The following BRD7 variants were observed in gnomAD, a reference collection of about 807,000 sequenced individuals.
BRD7 encodes bromodomain-containing protein 7.
In BRD7, 15 loss-of-function variants were observed where a neutral mutation model predicts 82.1. The observed-to-expected ratio is 0.18, with a 90% CI of 0.12 to 0.28. BRD7 has a LOEUF of 0.28. Among genes scored for constraint, BRD7 ranks in the 10% least tolerant of loss-of-function variants. The probability of loss-of-function intolerance (pLI) is 1.00; values close to 1 mark genes in which losing one functional copy is unlikely to be tolerated. For missense variants in BRD7, 638 were observed against 779.9 expected (o/e 0.82, Z 2.17); for synonymous variants, 232 against 266.9 (o/e 0.87, Z 1.27).
At chr16:50,366,247 T>G (rs771935663) in intron 2 of BRD7, among the ~76,000 whole-genome samples, 3 of 151,906 alleles carry the variant, frequency 2.0e-5, no homozygotes, top group Non-Finnish European at 2.9e-5. Context: ...GAGTTAAGAG[T>G]CCACCAGAAC....
At chr16:50,368,348 G>C in intron 1 of BRD7, 50 bp from the exon 2 acceptor site, 1 of 1,580,736 alleles carries the variant, frequency 6.3e-7, no homozygotes, top group Non-Finnish European at 8.6e-7. Context: ...TAAAATCGGG[G>C]CTCTCCAGGG....
chr16:50,319,021 A>G lies in BRD7; in HGVS notation c.*190T>C, dbSNP rs780379768. The stretch of plus-strand genomic sequence containing the variant: ...CAGGTATGGCAACAGCCCCAAGCAC[A>G]TTCCTTCCTCACGAGTCCCAGGTCC... On this transcript the variant is annotated 3_prime_UTR_variant, in exon 17 of 17. Coordinates refer to ENST00000394688, the MANE Select transcript of BRD7 (RefSeq NM_013263.5). The G allele has an allele frequency of 6.0e-5, 35 of 585,004 alleles. No homozygotes were observed. Among genetic ancestry groups the G allele is most frequent in the Non-Finnish European group, 9.1e-5 (30 of 328,434 alleles). The allele number at this position is 585,004 out of a possible 1,614,324, so 36.2% of individuals were successfully genotyped here.
At position 50,319,980 on chromosome 16, in the gene BRD7, C is replaced by T. The variant is rs771275978; in HGVS notation, c.1807G>A (p.Gly603Ser). 6.2e-7 allele frequency: 1 copy of T among 1,613,074 alleles called. No homozygotes were observed. The highest frequency in any genetic ancestry group is 2.2e-5 in the East Asian group (1 of 44,882). The change falls in exon 16 of 17, where the codon GGT becomes AGT. Residue 603 changes from glycine to serine, a missense_variant. Gly to Ser is a moderately conservative substitution (Grantham distance 56). This residue lies in a region of BRD7 where 402 missense variants were observed against 500.8 expected (regional missense o/e 0.80). Coordinates refer to ENST00000394688, the MANE Select transcript of BRD7 (RefSeq NM_013263.5). ...LKELAQQVTP[G>S]DIVSTYGVRK... ...ACTCCATACGTGCTTACGATATCACCTGGAGTTACTTGCTGTGCAAGTTCT... is the reference window on the plus strand; with the variant it reads ...ACTCCATACGTGCTTACGATATCACTTGGAGTTACTTGCTGTGCAAGTTCT...
At position 50,328,663 on chromosome 16, in the gene BRD7, T is replaced by C; in HGVS notation, c.1087+6A>G. 6.2e-7 allele frequency: 1 copy of C among 1,612,204 alleles called. No homozygotes were observed. Among genetic ancestry groups the C allele is most frequent in the Non-Finnish European group, 8.5e-7 (1 of 1,179,310 alleles). ...AAGTTCATGCACAGTTTTACTCTGA[T>C]CCTACCTCCTACAATGGGATCCACA... On this transcript the variant is annotated splice_donor_region_variant and intron_variant, in intron 9 of 16. Coordinates refer to ENST00000394688, the MANE Select transcript of BRD7 (RefSeq NM_013263.5).
chr16:50,356,558 A>C (rs1424239489), intron 2 of BRD7, among the ~76,000 whole-genome samples: 1 of 152,192 alleles, frequency 6.6e-6, no homozygotes, highest in Non-Finnish European at 1.5e-5. Flanking sequence ...ATGTGTAAGC[A>C]TACATTGTTT....
intron 4 of BRD7, 125 bp downstream of exon 4, chr16:50,354,300 C>T: frequency 3.8e-6 from 3 of 793,550 alleles, no homozygotes; most frequent in Admixed American, 3.1e-5. Flanking sequence ...CTTCTGCTGC[C>T]AGGCAAAATA....
intron 9 of BRD7, 102 bp from the exon 10 acceptor site, chr16:50,326,493 T>C: frequency 4.2e-6 from 3 of 718,824 alleles, no homozygotes; most frequent in Non-Finnish European, 6.6e-6. Flanking sequence ...GTCATCTGCA[T>C]GACCGTGAAG....
rs139616087 is a variant in BRD7, at chr16:50,354,433, T to C, written c.438A>G (p.Gln146=). The change falls in exon 4 of 17, where the codon CAA becomes CAG. Residue 146 remains glutamine (Q), a synonymous_variant. Coordinates refer to ENST00000394688, the MANE Select transcript of BRD7 (RefSeq NM_013263.5). ...ATTGGAAAAACATTTACCTCTGCAA[T>C]TGTCTCATCAGTTGATTCAAAGCTT... is the stretch of plus-strand genomic sequence containing the variant. ...LQEALNQLMR[Q]LQRKDPSAFF... 2.6e-5 allele frequency: 42 copies of C among 1,611,522 alleles called. No individual in the cohort carries two copies. In the African/African-American group the frequency reaches 4.4e-4, roughly 17 times the overall value.
At chr16:50,367,257 T>C (rs2039183807) in intron 2 of BRD7, among the ~76,000 whole-genome samples, 2 of 152,182 alleles carry the variant, frequency 1.3e-5, no homozygotes, top group African/African-American at 4.8e-5. Context: ...GAGTCTCGTA[T>C]TATTGCCCAG....
rs765986163 is a variant in BRD7, at chr16:50,325,838, T to A, written c.1241A>T (p.Tyr414Phe). The change falls in exon 11 of 17, where the codon TAT becomes TTT. Residue 414 changes from tyrosine (Y) to phenylalanine (F), a missense_variant. Transcript: ENST00000394688. The part of the protein sequence containing the change: ...YGPYSSYAPH[Y>F]DSTFANISKD... ...GCTGATATTTGCAAATGTGGAGTCATAATGCGGTGCATAAGAACTGTAGGG... is the reference window on the plus strand; with the variant it reads ...GCTGATATTTGCAAATGTGGAGTCAAAATGCGGTGCATAAGAACTGTAGGG... 1.3e-5 allele frequency: 21 copies of A among 1,612,598 alleles called. No individual in the cohort carries two copies. Among genetic ancestry groups the A allele is most frequent in the Non-Finnish European group, 1.8e-5 (21 of 1,179,618 alleles).
chr16:50,338,875 T>A (rs948737075), intron 6 of BRD7, among the ~76,000 whole-genome samples: 2 of 152,204 alleles, frequency 1.3e-5, no homozygotes, highest in Non-Finnish European at 1.5e-5. Flanking sequence ...GGTGCCAGGA[T>A]CACCCTTGAT....
intron 9 of BRD7, 93 bp from the exon 10 acceptor site, chr16:50,326,484 T>C (rs1230823627): frequency 5.3e-6 from 4 of 757,320 alleles, no homozygotes; most frequent in Non-Finnish European, 2.1e-6. Context: ...CCACTGCATG[T>C]CATCTGCATG....
intron 2 of BRD7, among the ~76,000 whole-genome samples, chr16:50,357,044 A>G (rs2038763876): frequency 6.6e-6 from 1 of 150,558 alleles, no homozygotes; most frequent in Non-Finnish European, 1.5e-5. Flanking sequence ...AGGATTTTGC[A>G]AGAAACAAAA....
chr16:50,320,202 C>T, intron 15 of BRD7, 46 bp downstream of exon 15: 3 of 1,572,800 alleles, frequency 1.9e-6, no homozygotes, highest in Admixed American at 1.9e-5. Flanking sequence ...GAAGTTTTTT[C>T]TTTGAAGCAT....
intron 5 of BRD7, among the ~76,000 whole-genome samples, chr16:50,341,516 C>T (rs1473487828): frequency 2.0e-5 from 3 of 151,116 alleles, no homozygotes; most frequent in African/African-American, 7.3e-5. Flanking sequence ...GGTGACACAC[C>T]CCTGTAGTCC....
chr16:50,329,307 C>T (rs532078325), intron 8 of BRD7, among the ~76,000 whole-genome samples: 64 of 152,276 alleles, frequency 4.2e-4, no homozygotes, highest in African/African-American at 1.5e-3. Flanking sequence ...AAAAAGGCTA[C>T]TATGGACCAG....
chr16:50,326,494 G>T, intron 9 of BRD7, 103 bp from the exon 10 acceptor site: 3 of 685,524 alleles, frequency 4.4e-6, no homozygotes, highest in South Asian at 3.0e-5. Flanking sequence ...TCATCTGCAT[G>T]ACCGTGAAGG....
intron 13 of BRD7, 25 bp downstream of exon 13, chr16:50,321,953 ATTTC>A (rs1368956826): frequency 6.3e-7 from 1 of 1,587,384 alleles, no homozygotes; most frequent in Non-Finnish European, 8.6e-7. Flanking sequence ...CCATTTAAAT[ATTTC>A]TTGTAAAGTG....
chr16:50,340,983 G>C (rs941471378), intron 5 of BRD7, among the ~76,000 whole-genome samples: 1 of 152,112 alleles, frequency 6.6e-6, no homozygotes, highest in African/African-American at 2.4e-5. Flanking sequence ...TGACAGGTTA[G>C]AACACTTAAA....
Sources: gnomAD v4.1 joint callset for allele counts (sites outside exome capture counted in the v4.1 genomes callset) on GRCh38, gnomAD v4.1.1 for gene constraint, gnomAD v4.1.1 regional missense constraint, MANE v1.5 for transcripts, NCBI Gene and HGNC (gene_info 2026-07-23, HGNC 2026-07-21) for gene names.